Variants in PLPPR2 observed in about 807,000 individuals in gnomAD.
PLPPR2 encodes phospholipid phosphatase related 2.
Under a neutral mutation model 40.3 loss-of-function variants are expected in PLPPR2, and 11 were observed. That is an observed-to-expected ratio of 0.27 (90% CI 0.17 to 0.45). PLPPR2 has a LOEUF of 0.45. Ranked by LOEUF, PLPPR2 falls within the 20% of genes least tolerant of loss-of-function variation. PLPPR2 has a pLI of 1.00. For missense variants in PLPPR2, 497 were observed against 640.7 expected (o/e 0.78, Z 2.42); for synonymous variants, 260 against 290.8 (o/e 0.89, Z 1.08).
Position 11,362,328 on chromosome 19 carries a change from C to A in PLPPR2, c.664-185C>A, listed in dbSNP as rs543476986. 1.7e-5 allele frequency: 10 copies of A among 582,428 alleles called. No homozygotes were observed. Among genetic ancestry groups the A allele is most frequent in the East Asian group, 8.8e-5 (3 of 34,038 alleles). The allele number at this position is 582,428 out of a possible 1,614,324, so 36.1% of individuals were successfully genotyped here. The stretch of plus-strand genomic sequence containing the variant: ...AAGACCTCAATCCCTGACCCCCCCC[C>A]CTTTGCCTTTTTGGTCACGCTCCCT... On this transcript the variant is annotated intron_variant, in intron 6 of 9. Transcript: ENST00000688289. The surrounding 1 kb of genome is among the most constrained non-coding windows in gnomAD (Gnocchi z 5.3).
At chr19:11,356,037 G>T (rs1372239098) in intron 1 of PLPPR2, among the ~76,000 whole-genome samples, 8 of 152,038 alleles carry the variant, frequency 5.3e-5, no homozygotes, top group Non-Finnish European at 1.2e-4. Context: ...TCGTGTGGTT[G>T]TGTGCATAGG....
chr19:11,358,395 G>T (rs1967952215), intron 3 of PLPPR2, among the ~76,000 whole-genome samples: 1 of 151,990 alleles, frequency 6.6e-6, no homozygotes, highest in Admixed American at 6.6e-5. Flanking sequence ...TTAATTCATG[G>T]ACAAAGCTTG....
chr19:11,363,326 T>TGTG lies in PLPPR2; in HGVS notation c.841-384_841-382dup, dbSNP rs1968103415. Among the ~76,000 whole-genome samples the TGTG allele has an allele frequency of 6.6e-6, 1 of 150,436 alleles. No individual in the cohort carries two copies. The highest frequency in any genetic ancestry group is 1.5e-5 in the Non-Finnish European group (1 of 67,790). On this transcript the variant is annotated intron_variant, in intron 7 of 9. Transcript: ENST00000688289. This position sits in a 1 kb window ranked among gnomAD's most constrained non-coding sequence, Gnocchi z 4.8. ...TTAGCTGGGAATGGTGGTGCACACC[T>TGTG]GTGGTCCCAGCTACTCAGGAGGCTG...
In PLPPR2 at chr19:11,364,094, T is replaced by A. The variant is rs1968123873; in HGVS notation, c.964-67T>A. 1 of 1,539,154 alleles carries A rather than the reference T, an allele frequency of 6.5e-7. No homozygotes were observed. Among genetic ancestry groups the A allele is most frequent in the Non-Finnish European group, 8.8e-7 (1 of 1,137,730 alleles). On this transcript the variant is annotated intron_variant, in intron 8 of 9. Coordinates refer to ENST00000688289, the MANE Select transcript of PLPPR2 (RefSeq NM_001393892.1). The surrounding 1 kb of genome is among the most constrained non-coding windows in gnomAD (Gnocchi z 5.8). ...CCATGGGGCTCTTCACCTGATGAGC[T>A]CCTTGTGGCTGTGGCCGGTAGGGCC... is the stretch of plus-strand genomic sequence containing the variant.
chr19:11,360,514 T>TAGGCTCAGACCAGATGTAATGG (rs1968014794), intron 5 of PLPPR2, among the ~76,000 whole-genome samples: 1 of 151,956 alleles, frequency 6.6e-6, no homozygotes, highest in African/African-American at 2.4e-5. Context: ...ACAAGGGACT[T>TAGGCTCAGACCAGATGTAATGG]AGGCTCAGAC....
At position 11,362,378 on chromosome 19, in the gene PLPPR2, A is replaced by G; in HGVS notation, c.664-135A>G. 1.1e-6 allele frequency: 1 copy of G among 904,998 alleles called. No individual in the cohort carries two copies. The highest frequency in any genetic ancestry group is 2.5e-5 in the Admixed American group (1 of 39,840). The allele number at this position is 904,998 out of a possible 1,614,324, so 56.1% of individuals were successfully genotyped here. A position where few individuals can be genotyped will look rare whatever the true frequency, so the allele number is the denominator to read the frequency against. ...TGGAAAAGCCCACTGGGAGCCCATG[A>G]CTCCAACCCTGGAGCCCCTGGCCAC... On this transcript the variant is annotated intron_variant, in intron 6 of 9. Coordinates refer to ENST00000688289, the MANE Select transcript of PLPPR2 (RefSeq NM_001393892.1). This position sits in a 1 kb window ranked among gnomAD's most constrained non-coding sequence, Gnocchi z 5.3.
At position 11,363,631 on chromosome 19, in the gene PLPPR2, A is replaced by T. The variant is rs965081648; in HGVS notation, c.841-82A>T. 4.8e-6 allele frequency: 7 copies of T among 1,469,586 alleles called. No individual in the cohort carries two copies. Among genetic ancestry groups the T allele is most frequent in the South Asian group, 2.8e-5 (2 of 72,534 alleles). The allele number at this position is 1,469,586 out of a possible 1,614,324, so 91.0% of individuals were successfully genotyped here. ...TGAAAACCGGAGCCTCACTTTCCTT[A>T]TCTGAAAAATGGGGATGGTATTTAC... On this transcript the variant is annotated intron_variant, in intron 7 of 9. Transcript: ENST00000688289. The surrounding 1 kb of genome is among the most constrained non-coding windows in gnomAD (Gnocchi z 4.8).
rs536503682 is a variant in PLPPR2 at position 11,362,769 on chromosome 19, G to A, written c.840+80G>A. The A allele has an allele frequency of 6.1e-6, 9 of 1,477,778 alleles. No homozygotes were observed. In the East Asian group the frequency reaches 2.1e-4, roughly 34 times the overall value. 91.5% of individuals were successfully genotyped at this position (1,477,778 alleles called of 1,614,324 possible). Reference sequence around the variant, plus strand: ...CCAAGAGGCAGGACCACATGATGGAGAAGGGTGTGGACTCTGTGTGACCTT... The same window carrying A: ...CCAAGAGGCAGGACCACATGATGGAAAAGGGTGTGGACTCTGTGTGACCTT... On this transcript the variant is annotated intron_variant, in intron 7 of 9. Coordinates refer to ENST00000688289, the MANE Select transcript of PLPPR2 (RefSeq NM_001393892.1). The surrounding 1 kb of genome is among the most constrained non-coding windows in gnomAD (Gnocchi z 5.3).
chr19:11,359,706 G>A lies in PLPPR2; in HGVS notation c.241G>A (p.Gly81Arg). The stretch of plus-strand genomic sequence containing the variant: ...TCTTGTCTACGCACTGGTCACTGCC[G>A]GGCCCACCCTCACGGTGAGACAATG... ...PALVYALVTA[G>R]PTLTILLGEL... The change falls in exon 4 of 10, where the codon GGG (glycine) becomes AGG (arginine). Residue 81 changes from glycine to arginine, a missense_variant. Coordinates refer to ENST00000688289, the MANE Select transcript of PLPPR2 (RefSeq NM_001393892.1). The surrounding 1 kb of genome is among the most constrained non-coding windows in gnomAD (Gnocchi z 5.6). The A allele has an allele frequency of 1.3e-6, 2 of 1,595,270 alleles. No homozygotes were observed. The highest frequency in any genetic ancestry group is 8.6e-7 in the Non-Finnish European group (1 of 1,168,234).
chr19:11,360,286 CAAAAA>C (rs71164193), intron 5 of PLPPR2, among the ~76,000 whole-genome samples: 2 of 85,244 alleles, frequency 2.3e-5, no homozygotes, highest in Non-Finnish European at 4.8e-5. Context: ...AACTCCGTCT[CAAAAA>C]AAAAAAAAAA....
Position 11,359,392 on chromosome 19 carries a change from CTCTGTCTCTCTCCATCTTCTAGTT to C in PLPPR2, c.67-130_67-107del. On this transcript the variant is annotated intron_variant, in intron 3 of 9. Coordinates refer to ENST00000688289, the MANE Select transcript of PLPPR2 (RefSeq NM_001393892.1). The surrounding 1 kb of genome is among the most constrained non-coding windows in gnomAD (Gnocchi z 5.6). The stretch of plus-strand genomic sequence containing the variant: ...TTCTCTCAGTCTCTCTCCCCCTTGT[CTCTGTCTCTCTCCATCTTCTAGTT>C]TCTGTCTCTAACCCATGTTTCTCCA... 1.4e-6 allele frequency: 1 copy of C among 715,574 alleles called. No individual in the cohort carries two copies. The highest frequency in any genetic ancestry group is 2.7e-5 in the South Asian group (1 of 37,148). The allele number at this position is 715,574 out of a possible 1,614,324, so 44.3% of individuals were successfully genotyped here.
At position 11,364,611 on chromosome 19, in the gene PLPPR2, T is replaced by C. The variant is rs1460258008; in HGVS notation, c.1280T>C (p.Leu427Pro). The stretch of plus-strand genomic sequence containing the variant: ...CCCCTGCTGCGGGACCTGTACACCC[T>C]GAGTGGACTCTATCCCTCCCCCTTC... ...PTPLLRDLYT[L>P]SGLYPSPFHR... Residue 427 changes from leucine (L) to proline (P), a missense_variant, in exon 10 of 10, where the codon CTG (leucine) becomes CCG (proline). By Grantham distance (98) the Leu-to-Pro change is moderately conservative. Transcript: ENST00000688289. The surrounding 1 kb of genome is among the most constrained non-coding windows in gnomAD (Gnocchi z 5.8). The C allele has an allele frequency of 6.5e-7, 1 of 1,537,204 alleles. No homozygotes were observed. The highest frequency in any genetic ancestry group is 2.0e-5 in the Admixed American group (1 of 50,982).
At position 11,364,480 on chromosome 19, in the gene PLPPR2, ACCCCTG is replaced by A. The variant is rs780175933; in HGVS notation, c.1152_1157del (p.Leu385_Pro386del). 6.6e-7 allele frequency: 1 copy of A among 1,513,828 alleles called. No homozygotes were observed. Among genetic ancestry groups the A allele is most frequent in the Admixed American group, 2.1e-5 (1 of 48,010 alleles). 93.8% of individuals were successfully genotyped at this position (1,513,828 alleles called of 1,614,324 possible). A position where few individuals can be genotyped will look rare whatever the true frequency, so the allele number is the denominator to read the frequency against. On this transcript the variant is annotated inframe_deletion, in exon 10 of 10. Coordinates refer to ENST00000688289, the MANE Select transcript of PLPPR2 (RefSeq NM_001393892.1). This position sits in a 1 kb window ranked among gnomAD's most constrained non-coding sequence, Gnocchi z 5.8. ...AGCCGACGCCCTTGCCCCTGCCCCTACCCCTGCCAGCGCCCACCCCCAGCCAGGGCC... is the reference window on the plus strand; with the variant it reads ...AGCCGACGCCCTTGCCCCTGCCCCTACCAGCGCCCACCCCCAGCCAGGGCC...
chr19:11,361,594 T>C lies in PLPPR2; in HGVS notation c.663+106T>C. 2 of 1,456,754 alleles carry C rather than the reference T, an allele frequency of 1.4e-6. No homozygotes were observed. Among genetic ancestry groups the C allele is most frequent in the Non-Finnish European group, 1.8e-6 (2 of 1,094,460 alleles). 90.2% of individuals were successfully genotyped at this position (1,456,754 alleles called of 1,614,324 possible). On this transcript the variant is annotated intron_variant, in intron 6 of 9. Transcript: ENST00000688289. The surrounding 1 kb of genome is among the most constrained non-coding windows in gnomAD (Gnocchi z 6.3). ...AGCCTCTGCTCTTCCACGCCCCGGG[T>C]GCTGTTGGAAGCTCTCGCTCCACGC...
rs1968077603 is a variant in PLPPR2 at position 11,362,516 on chromosome 19, T to C, written c.667T>C (p.Tyr223His). Residue 223 changes from tyrosine (Y) to histidine (H), a missense_variant, in exon 7 of 10, where the codon TAC (tyrosine) becomes CAC (histidine). Transcript: ENST00000688289. This position sits in a 1 kb window ranked among gnomAD's most constrained non-coding sequence, Gnocchi z 5.3. ...TGACCAGTCCGGCTCCCCGCAGATG[T>C]ACGTGACTCTCGTGTTCCGCGTGAA... ...CAYAVTYTAM[Y>H]VTLVFRVKGS... The C allele has an allele frequency of 6.2e-7, 1 of 1,609,946 alleles. No individual in the cohort carries two copies. Among genetic ancestry groups the C allele is most frequent in the Non-Finnish European group, 8.5e-7 (1 of 1,179,962 alleles).
rs558721685 is a variant in PLPPR2 at position 11,363,613 on chromosome 19, C to T, written c.841-100C>T. 26 of 1,384,012 alleles carry T rather than the reference C, an allele frequency of 1.9e-5. No homozygotes were observed. The highest frequency in any genetic ancestry group is 1.9e-4 in the Middle Eastern group (1 of 5,222). 85.7% of individuals were successfully genotyped at this position (1,384,012 alleles called of 1,614,324 possible). A position where few individuals can be genotyped will look rare whatever the true frequency, so the allele number is the denominator to read the frequency against. On this transcript the variant is annotated intron_variant, in intron 7 of 9. Transcript: ENST00000688289. This position sits in a 1 kb window ranked among gnomAD's most constrained non-coding sequence, Gnocchi z 4.8. ...CTATGCATTAGCTGTTTTTGAAAAC[C>T]GGAGCCTCACTTTCCTTATCTGAAA...
Position 11,361,157 on chromosome 19 carries a change from T to C in PLPPR2, c.392-60T>C. ...AGGAAAAGGGAGCTAAGAGGCCCAA[T>C]GGAATCAGTGGGAGCATCAGGGCCT... is the stretch of plus-strand genomic sequence containing the variant. On this transcript the variant is annotated intron_variant, in intron 5 of 9. Transcript: ENST00000688289. The surrounding 1 kb of genome is among the most constrained non-coding windows in gnomAD (Gnocchi z 6.3). 1.3e-6 allele frequency: 2 copies of C among 1,537,896 alleles called. No homozygotes were observed. Among genetic ancestry groups the C allele is most frequent in the African/African-American group, 1.4e-5 (1 of 73,590 alleles).
In PLPPR2 at chr19:11,361,410, C is replaced by T. The variant is rs1568321477; in HGVS notation, c.585C>T (p.Pro195=). Residue 195 remains proline, a synonymous_variant, in exon 6 of 10, where the codon CCC becomes CCT. Coordinates refer to ENST00000688289, the MANE Select transcript of PLPPR2 (RefSeq NM_001393892.1). This position sits in a 1 kb window ranked among gnomAD's most constrained non-coding sequence, Gnocchi z 6.3. ...VTDQGACAGS[P]SLVAAARRAF... ...ACCAGGGTGCCTGCGCTGGCAGTCC[C>T]AGCCTCGTGGCCGCCGCGCGCCGCG... 3 of 1,608,932 alleles carry T rather than the reference C, an allele frequency of 1.9e-6. No individual in the cohort carries two copies. Among genetic ancestry groups the T allele is most frequent in the Non-Finnish European group, 2.5e-6 (3 of 1,179,644 alleles).
chr19:11,362,503 C>T lies in PLPPR2; in HGVS notation c.664-10C>T. 6.2e-7 allele frequency: 1 copy of T among 1,608,690 alleles called. No individual in the cohort carries two copies. The highest frequency in any genetic ancestry group is 8.5e-7 in the Non-Finnish European group (1 of 1,179,944). On this transcript the variant is annotated splice_polypyrimidine_tract_variant and intron_variant, in intron 6 of 9. Coordinates refer to ENST00000688289, the MANE Select transcript of PLPPR2 (RefSeq NM_001393892.1). The surrounding 1 kb of genome is among the most constrained non-coding windows in gnomAD (Gnocchi z 5.3). The stretch of plus-strand genomic sequence containing the variant: ...TCCGCTATCCCCCTGACCAGTCCGG[C>T]TCCCCGCAGATGTACGTGACTCTCG...
Sources: gnomAD v4.1 joint callset for allele counts (sites outside exome capture counted in the v4.1 genomes callset) on GRCh38, gnomAD v4.1.1 for gene constraint, Gnocchi (gnomAD v3.1) non-coding constraint, MANE v1.5 for transcripts, NCBI Gene and HGNC (gene_info 2026-07-23, HGNC 2026-07-21) for gene names.